RB1: variants seen among roughly 807,000 people sequenced by gnomAD.
The protein encoded by RB1 is retinoblastoma-associated protein.
RB1 carries 18 observed loss-of-function variants against 135.4 expected under a neutral mutation model. The observed-to-expected ratio is 0.13, with a 90% CI of 0.09 to 0.20. The LOEUF (loss-of-function observed/expected upper bound fraction) is 0.20. Ranked by LOEUF, RB1 falls within the 10% of genes least tolerant of loss-of-function variation. The pLI is 1.00. For missense variants in RB1, 868 were observed against 1,110.0 expected (o/e 0.78, Z 3.10); for synonymous variants, 365 against 373.2 (o/e 0.98, Z 0.25).
chr13:48,376,780 G>C (rs893013718), intron 12 of RB1, 138 bp from the exon 13 acceptor site: 1 of 1,281,668 alleles, frequency 7.8e-7, no homozygotes, highest in African/African-American at 1.5e-5. Flanking sequence ...ATGTTCAGTA[G>C]TTGTGGTTAC....
intron 2 of RB1, among the ~76,000 whole-genome samples, chr13:48,331,747 A>C (rs1372884188): frequency 6.6e-6 from 1 of 152,216 alleles, no homozygotes; most frequent in Non-Finnish European, 1.5e-5. Flanking sequence ...CTTTTGGTAG[A>C]TATCCACAGG....
At chr13:48,475,348 G>A in intron 24 of RB1, among the ~76,000 whole-genome samples, 1 of 24,568 alleles carries the variant, frequency 4.1e-5, no homozygotes, top group South Asian at 2.5e-3. Flanking sequence ...TGATCAAGGT[G>A]TCAGTTGGGC....
At chr13:48,373,262 C>T (rs1952780725) in intron 11 of RB1, 143 bp from the exon 12 acceptor site, 1 of 606,878 alleles carries the variant, frequency 1.6e-6, no homozygotes, top group African/African-American at 1.9e-5. Context: ...TTATAAACCA[C>T]AGTCTTATTT....
At chr13:48,473,894 G>A (rs765384318) in intron 24 of RB1, among the ~76,000 whole-genome samples, 8 of 152,110 alleles carry the variant, frequency 5.3e-5, no homozygotes, top group East Asian at 1.9e-4. Flanking sequence ...CCACACTTCC[G>A]TCTGACTTGA....
At chr13:48,412,043 T>TTG in intron 17 of RB1, 2 of 1,613,540 alleles carry the variant, frequency 1.2e-6, no homozygotes, top group Non-Finnish European at 1.7e-6. Flanking sequence ...TTTTGGTTCT[T>TTG]AGAGTCTTTG....
intron 17 of RB1, chr13:48,444,443 G>A (rs1371228036): frequency 1.3e-5 from 2 of 152,384 alleles, no homozygotes; most frequent in East Asian, 3.8e-4. Context: ...CCTAAACCCA[G>A]GAGGCAGAGG....
chr13:48,475,146 C>T (rs956094880), intron 24 of RB1, among the ~76,000 whole-genome samples: 2 of 152,150 alleles, frequency 1.3e-5, no homozygotes, highest in African/African-American at 4.8e-5. Context: ...ACTGGGATTA[C>T]AGATGTGAGC....
intron 13 of RB1, among the ~76,000 whole-genome samples, chr13:48,377,283 T>C (rs1952836994): frequency 6.6e-6 from 1 of 152,132 alleles, no homozygotes; most frequent in Non-Finnish European, 1.5e-5. Context: ...AAAATACAAC[T>C]AAGAAAAAAA....
intron 19 of RB1, among the ~76,000 whole-genome samples, chr13:48,458,004 G>C (rs1200641221): frequency 6.6e-6 from 1 of 152,176 alleles, no homozygotes; most frequent in East Asian, 1.9e-4. Flanking sequence ...ACTCCTACCT[G>C]CTCCCCAGCC....
At chr13:48,392,251 A>C (rs539628221) in intron 17 of RB1, among the ~76,000 whole-genome samples, 2 of 151,604 alleles carry the variant, frequency 1.3e-5, no homozygotes, top group Non-Finnish European at 3.0e-5. Context: ...ACTGGGACTA[A>C]AGGCACATGC....
intron 17 of RB1, chr13:48,411,331 C>A: frequency 2.2e-6 from 3 of 1,384,960 alleles, no homozygotes; most frequent in Non-Finnish European, 1.0e-6. Flanking sequence ...CAAAAAGACA[C>A]TTTTCACAGT....
In RB1 at chr13:48,304,419, C is replaced by T. The variant is rs537448745; in HGVS notation, c.137+370C>T. On this transcript the variant is annotated intron_variant, in intron 1 of 26. Coordinates refer to ENST00000267163, the MANE Select transcript of RB1 (RefSeq NM_000321.3). ...TGGTGTCTGTGGGAGAGTTTTTCAC[C>T]GGAGAATTGGAGTACTCCGGTGGTC... 2.5e-4 allele frequency among the ~76,000 whole-genome samples: 38 copies of T among 152,166 alleles called. No homozygotes were observed. The South Asian group carries it at 6.6e-3, about 27-fold the overall frequency.
intron 2 of RB1, chr13:48,340,800 AT>A (rs1403521563): frequency 6.4e-6 from 1 of 157,254 alleles, no homozygotes. Flanking sequence ...ACAGAAGTTG[AT>A]TTTTGTTCAT....
chr13:48,454,015 T>G (rs998136084), intron 18 of RB1, among the ~76,000 whole-genome samples: 3 of 152,244 alleles, frequency 2.0e-5, no homozygotes, highest in Admixed American at 1.3e-4. Context: ...TTATTTTCCT[T>G]TCACAAAAGC....
chr13:48,328,215 T>A (rs1952304114), intron 2 of RB1: 1 of 1,449,318 alleles, frequency 6.9e-7, no homozygotes, highest in East Asian at 2.3e-5. Flanking sequence ...CCTTGCAATA[T>A]TCTTCATCCT....
At chr13:48,451,361 C>T (rs1949326116) in intron 17 of RB1, among the ~76,000 whole-genome samples, 1 of 152,132 alleles carries the variant, frequency 6.6e-6, no homozygotes, top group Non-Finnish European at 1.5e-5. Context: ...AAGGCCTCTT[C>T]TGCAACCACA....
intron 6 of RB1, among the ~76,000 whole-genome samples, chr13:48,356,012 C>A (rs894859816): frequency 6.6e-6 from 1 of 151,938 alleles, no homozygotes; most frequent in African/African-American, 2.4e-5. Flanking sequence ...AACAGGGTGA[C>A]TTTAGTCAAT....
At chr13:48,379,913 T>C (rs1436987683) in intron 14 of RB1, 140 bp from the exon 15 acceptor site, 6 of 817,038 alleles carry the variant, frequency 7.3e-6, no homozygotes, top group African/African-American at 1.9e-5. Context: ...TGAGCCAAGA[T>C]TGTGCCATTT....
chr13:48,446,598 T>G (rs541799428), intron 17 of RB1, among the ~76,000 whole-genome samples: 13 of 152,336 alleles, frequency 8.5e-5, no homozygotes, highest in African/African-American at 2.4e-4. Flanking sequence ...GCAAGATGTT[T>G]AGACAAGGCT....
Sources: allele counts gnomAD v4.1 joint callset (sites outside exome capture counted in the v4.1 genomes callset), GRCh38; gene constraint gnomAD v4.1.1; transcripts MANE v1.5; gene names NCBI Gene and HGNC (gene_info 2026-07-23, HGNC 2026-07-21).